The following CNTNAP5 variants were observed in gnomAD, a reference collection of about 807,000 sequenced individuals.
The protein encoded by CNTNAP5 is contactin associated protein family member 5.
Under a neutral mutation model 150.2 loss-of-function variants are expected in CNTNAP5, and 72 were observed. That is an observed-to-expected ratio of 0.48 (90% CI 0.40 to 0.58). The LOEUF (loss-of-function observed/expected upper bound fraction) is 0.58. Among genes scored for constraint, CNTNAP5 ranks in the 20% least tolerant of loss-of-function variants. The pLI, the probability that CNTNAP5 is intolerant of heterozygous loss-of-function variation, is 0.00. For synonymous variants in CNTNAP5, 672 were observed against 619.8 expected, an observed-to-expected ratio of 1.08 and a Z score of -1.25; for missense variants, 1,636 against 1,626.2, an observed-to-expected ratio of 1.01 and a Z score of -0.10.
chr2:124,442,268 G>A (rs1257540204), intron 5 of CNTNAP5, among the ~76,000 whole-genome samples: 2 of 152,064 alleles, frequency 1.3e-5, no homozygotes, highest in Non-Finnish European at 2.9e-5. Context: ...TGGTGATGAT[G>A]GTGGCAGTGG....
At chr2:124,646,400 G>T (rs556188515) in intron 12 of CNTNAP5, among the ~76,000 whole-genome samples, 5 of 152,188 alleles carry the variant, frequency 3.3e-5, no homozygotes, top group African/African-American at 1.2e-4. Context: ...GATGTGCCTC[G>T]GGTCATTTCT....
intron 13 of CNTNAP5, among the ~76,000 whole-genome samples, chr2:124,651,965 A>G (rs1678332551): frequency 6.6e-6 from 1 of 152,116 alleles, no homozygotes; most frequent in Non-Finnish European, 1.5e-5. Context: ...GGTTCCATTC[A>G]TTTAGCAGCG....
chr2:124,569,165 T>C (rs1344790219), intron 11 of CNTNAP5, among the ~76,000 whole-genome samples: 1 of 152,200 alleles, frequency 6.6e-6, no homozygotes, highest in African/African-American at 2.4e-5. Context: ...TTTAAGAATC[T>C]TGATTCATAT....
chr2:124,872,403 T>C (rs1046624271), intron 21 of CNTNAP5, among the ~76,000 whole-genome samples: 4 of 150,986 alleles, frequency 2.6e-5, no homozygotes, highest in African/African-American at 7.3e-5. Flanking sequence ...TGTGTGTGTG[T>C]GTGTGTGTGT....
At chr2:124,482,142 C>G (rs1213554426) in intron 7 of CNTNAP5, among the ~76,000 whole-genome samples, 1 of 152,194 alleles carries the variant, frequency 6.6e-6, no homozygotes, top group African/African-American at 2.4e-5. Context: ...GCTCTCGCAC[C>G]TGCAGTAATA....
At chr2:124,853,029 G>A (rs1181359919) in intron 19 of CNTNAP5, among the ~76,000 whole-genome samples, 1 of 152,190 alleles carries the variant, frequency 6.6e-6, no homozygotes, top group Non-Finnish European at 1.5e-5. Context: ...TCTAAGTCTA[G>A]GATTGACATG....
chr2:124,724,023 T>G (rs148237443), intron 13 of CNTNAP5, among the ~76,000 whole-genome samples: 303 of 152,068 alleles, frequency 2.0e-3, no homozygotes, highest in African/African-American at 6.9e-3. Context: ...CACGTGCCTG[T>G]AATCCCAGCT....
chr2:124,623,517 A>G (rs1292208120), intron 12 of CNTNAP5, among the ~76,000 whole-genome samples: 2 of 152,170 alleles, frequency 1.3e-5, no homozygotes, highest in African/African-American at 2.4e-5. Context: ...CATGAGTAAA[A>G]CCCTCCATCT....
intron 13 of CNTNAP5, among the ~76,000 whole-genome samples, chr2:124,692,089 A>G (rs1679311546): frequency 6.6e-6 from 1 of 152,140 alleles, no homozygotes; most frequent in Non-Finnish European, 1.5e-5. Context: ...AAAGGATGAA[A>G]AAGTTCTCAG....
At chr2:124,567,188 A>G (rs17011693) in intron 11 of CNTNAP5, among the ~76,000 whole-genome samples, 23,491 of 152,154 alleles carry the variant, frequency 0.15, 2,041 homozygotes, top group East Asian at 0.36. Flanking sequence ...GCCTTTGTGG[A>G]TAAGAGAGGT....
intron 13 of CNTNAP5, among the ~76,000 whole-genome samples, chr2:124,653,178 G>T (rs1216969851): frequency 6.6e-6 from 1 of 152,138 alleles, no homozygotes; most frequent in African/African-American, 2.4e-5. Flanking sequence ...GCAGCTGAGA[G>T]TGGTTTCTAC....
intron 12 of CNTNAP5, among the ~76,000 whole-genome samples, chr2:124,614,824 T>C (rs1329288776): frequency 6.6e-6 from 1 of 152,158 alleles, no homozygotes; most frequent in Non-Finnish European, 1.5e-5. Context: ...TAAGAATGCC[T>C]TAACCTCCTG....
In CNTNAP5 at chr2:124,446,802, C is replaced by T. The variant is rs1266095256; in HGVS notation, c.783C>T (p.Gly261=). Residue 261 remains glycine (G), a synonymous_variant, in exon 6 of 24, where the codon GGC becomes GGT. Transcript: ENST00000682447. The part of the protein sequence containing the change: ...LSSSLPSATL[G]SLLDDQHWHS... ...GCAGCTTGCCCTCTGCCACCCTGGGCAGCCTCCTGGATGACCAGCACTGGC... is the reference window on the plus strand; with the variant it reads ...GCAGCTTGCCCTCTGCCACCCTGGGTAGCCTCCTGGATGACCAGCACTGGC... The T allele has an allele frequency of 6.2e-7, 1 of 1,613,800 alleles. No individual in the cohort carries two copies. The highest frequency in any genetic ancestry group is 1.3e-5 in the African/African-American group (1 of 74,922).
intron 3 of CNTNAP5, among the ~76,000 whole-genome samples, chr2:124,395,401 T>C (rs1691220561): frequency 6.6e-6 from 1 of 152,134 alleles, no homozygotes; most frequent in South Asian, 2.1e-4. Flanking sequence ...AGTTTCCTCA[T>C]TTCCAAAATG....
chr2:124,253,808 T>A (rs909323601), intron 3 of CNTNAP5, among the ~76,000 whole-genome samples: 1 of 152,076 alleles, frequency 6.6e-6, no homozygotes, highest in South Asian at 2.1e-4. Flanking sequence ...GTAGACACAG[T>A]GCTGGCAGCA....
chr2:124,341,788 A>G lies in CNTNAP5; in HGVS notation c.382-75655A>G, dbSNP rs553988940. Among the ~76,000 whole-genome samples, 76 of 152,264 alleles carry G rather than the reference A, an allele frequency of 5.0e-4. 1 individual carries two copies. The highest frequency in any genetic ancestry group is 1.0e-3 in the Non-Finnish European group (70 of 68,014). ...GAAGCAGTCAGTAGAGATCTGACAG[A>G]TTTTTCTGGATTGTAGTTTGCGTGT... On this transcript the variant is annotated intron_variant, in intron 3 of 23. Coordinates refer to ENST00000682447, the MANE Select transcript of CNTNAP5 (RefSeq NM_001367498.1).
Position 124,494,062 on chromosome 2 carries a change from C to CTG in CNTNAP5, c.1063-10212_1063-10211dup, listed in dbSNP as rs111834196. ...TTCCCTAGAGAGAATCAATAGGAGA[C>CTG]TGTGTGTGTGTGTGTGTGTCTGTGT... On this transcript the variant is annotated intron_variant, in intron 7 of 23. Coordinates refer to ENST00000682447, the MANE Select transcript of CNTNAP5 (RefSeq NM_001367498.1). Among the ~76,000 whole-genome samples, 412 of 110,664 alleles carry CTG rather than the reference C, an allele frequency of 3.7e-3. 5 individuals carry two copies. Among genetic ancestry groups the CTG allele is most frequent in the African/African-American group, 7.2e-3 (206 of 28,726 alleles). 72.6% of individuals were successfully genotyped at this position (110,664 alleles called of 152,430 possible). A position where few individuals can be genotyped will look rare whatever the true frequency, so the allele number is the denominator to read the frequency against.
At chr2:124,130,371 C>T (rs1166229481) in intron 1 of CNTNAP5, among the ~76,000 whole-genome samples, 1 of 152,036 alleles carries the variant, frequency 6.6e-6, no homozygotes, top group African/African-American at 2.4e-5. Flanking sequence ...CCGACTCAGG[C>T]TCAATTCCCA....
chr2:124,720,073 C>A (rs932210216), intron 13 of CNTNAP5, among the ~76,000 whole-genome samples: 1 of 152,070 alleles, frequency 6.6e-6, no homozygotes, highest in Non-Finnish European at 1.5e-5. Context: ...GAGACAGAAG[C>A]GAGACTCTGA....
Sources: gnomAD v4.1 joint callset for allele counts (sites outside exome capture counted in the v4.1 genomes callset) on GRCh38, gnomAD v4.1.1 for gene constraint, MANE v1.5 for transcripts, NCBI Gene and HGNC (gene_info 2026-07-23, HGNC 2026-07-21) for gene names.